The following HEMK2 variants were observed in gnomAD, a reference collection of about 807,000 sequenced individuals.
The protein encoded by HEMK2 is methyltransferase HEMK2.
the HEMK2 span, among the ~76,000 whole-genome samples, chr21:28,644,127 C>T: frequency 4.6e-5 from 7 of 152,170 alleles, no homozygotes; most frequent in Non-Finnish European, 1.0e-4. Flanking sequence ...AGGAAAGAGG[C>T]TTAATTGACC....
the HEMK2 span, among the ~76,000 whole-genome samples, chr21:28,755,671 C>G: frequency 6.6e-6 from 1 of 151,256 alleles, no homozygotes; most frequent in Non-Finnish European, 1.5e-5. Flanking sequence ...CCAGATAGAG[C>G]CAGCCAGGTG....
At chr21:28,659,151 T>G in the HEMK2 span, among the ~76,000 whole-genome samples, 1 of 152,130 alleles carries the variant, frequency 6.6e-6, no homozygotes, top group Non-Finnish European at 1.5e-5. Flanking sequence ...TCTCTCCATA[T>G]CTGTCTGATA....
chr21:28,860,036 T>A, the HEMK2 span, among the ~76,000 whole-genome samples: 2 of 152,162 alleles, frequency 1.3e-5, no homozygotes, highest in African/African-American at 4.8e-5. Context: ...GTGTATAGGC[T>A]CAAGTTGACA....
chr21:28,739,051 T>A, the HEMK2 span, among the ~76,000 whole-genome samples: 1 of 152,178 alleles, frequency 6.6e-6, no homozygotes, highest in African/African-American at 2.4e-5. Context: ...TATCGCCCTT[T>A]CCAGAAGCTC....
the HEMK2 span, among the ~76,000 whole-genome samples, chr21:28,741,159 T>C: frequency 1.3e-5 from 2 of 152,066 alleles, no homozygotes; most frequent in Non-Finnish European, 2.9e-5. Context: ...ATGGGTCCCA[T>C]GGGAAGAAAT....
At chr21:28,852,726 T>C in the HEMK2 span, among the ~76,000 whole-genome samples, 1 of 152,218 alleles carries the variant, frequency 6.6e-6, no homozygotes, top group Admixed American at 6.5e-5. Context: ...TGATTCCCTG[T>C]ATTTGTAATT....
the HEMK2 span, among the ~76,000 whole-genome samples, chr21:28,583,530 G>A: frequency 3.4e-4 from 52 of 152,292 alleles, no homozygotes; most frequent in Non-Finnish European, 6.6e-4. Flanking sequence ...ATAGGGCTAC[G>A]TCATCAAAAT....
the HEMK2 span, among the ~76,000 whole-genome samples, chr21:28,850,217 C>CTTTTTTT: frequency 1.9e-4 from 18 of 94,440 alleles, 1 homozygote; most frequent in East Asian, 2.3e-3. Context: ...ATTCAGCATT[C>CTTTTTTT]TTTTTTTTTT....
chr21:28,797,865 G>C, the HEMK2 span, among the ~76,000 whole-genome samples: 10 of 152,174 alleles, frequency 6.6e-5, no homozygotes, highest in Non-Finnish European at 1.3e-4. Flanking sequence ...TGCAAAAGGA[G>C]CTATTGAGAG....
At chr21:28,713,484 C>T in the HEMK2 span, among the ~76,000 whole-genome samples, 1 of 152,196 alleles carries the variant, frequency 6.6e-6, no homozygotes, top group Non-Finnish European at 1.5e-5. Context: ...CAATGGCCAA[C>T]CTTTAGTTCC....
the HEMK2 span, among the ~76,000 whole-genome samples, chr21:28,678,933 C>T: frequency 6.6e-6 from 1 of 152,158 alleles, no homozygotes; most frequent in Non-Finnish European, 1.5e-5. Flanking sequence ...CCAGTCACTG[C>T]AAAAACATGC....
chr21:28,671,053 G>A, the HEMK2 span: 1 of 152,178 alleles, frequency 6.6e-6, no homozygotes, highest in African/African-American at 2.4e-5. Flanking sequence ...GTTGCACTCT[G>A]GGCTTTTGGG....
At chr21:28,821,207 T>C in the HEMK2 span, among the ~76,000 whole-genome samples, 3 of 152,068 alleles carry the variant, frequency 2.0e-5, no homozygotes, top group Non-Finnish European at 2.9e-5. Flanking sequence ...CCCCCTCCAT[T>C]TGGTTCACTG....
chr21:28,873,660 A>G, the HEMK2 span: 1 of 152,126 alleles, frequency 6.6e-6, no homozygotes, highest in Non-Finnish European at 1.5e-5. Context: ...TTCCCAACAT[A>G]CTTTACCTTA....
At chr21:28,741,103 A>G in the HEMK2 span, among the ~76,000 whole-genome samples, 2 of 152,194 alleles carry the variant, frequency 1.3e-5, no homozygotes, top group Non-Finnish European at 2.9e-5. Flanking sequence ...CAAACCAAGC[A>G]CAATCCCAAA....
chr21:28,753,454 G>A, the HEMK2 span, among the ~76,000 whole-genome samples: 20 of 151,796 alleles, frequency 1.3e-4, no homozygotes, highest in Non-Finnish European at 2.1e-4. Flanking sequence ...TCTTGCATAT[G>A]GCCAGAATAG....
At chr21:28,853,287 A>C in the HEMK2 span, among the ~76,000 whole-genome samples, 1 of 152,142 alleles carries the variant, frequency 6.6e-6, no homozygotes, top group Non-Finnish European at 1.5e-5. Context: ...TTTAATCCAC[A>C]TTTCAGCTAA....
At chr21:28,656,911 A>G in the HEMK2 span, among the ~76,000 whole-genome samples, 2 of 152,120 alleles carry the variant, frequency 1.3e-5, no homozygotes, top group Non-Finnish European at 1.5e-5. Flanking sequence ...GAGAAAAATG[A>G]AAAACACCTA....
the HEMK2 span, among the ~76,000 whole-genome samples, chr21:28,852,838 GATTA>G: frequency 6.6e-6 from 1 of 152,166 alleles, no homozygotes; most frequent in Non-Finnish European, 1.5e-5. Flanking sequence ...GGAACACCAT[GATTA>G]ATTAGCCAAT....
Sources: gnomAD v4.1 joint callset for allele counts (sites outside exome capture counted in the v4.1 genomes callset) on GRCh38, gnomAD v4.1.1 for gene constraint, MANE v1.5 for transcripts, NCBI Gene and HGNC (gene_info 2026-07-23, HGNC 2026-07-21) for gene names.